The following LAMA1 variants were observed in gnomAD, a reference collection of about 807,000 sequenced individuals.
LAMA1 encodes the protein laminin subunit alpha 1.
A neutral mutation model predicts 348.7 loss-of-function variants in LAMA1; 219 were observed. That is an observed-to-expected ratio of 0.63 (90% CI 0.56 to 0.70). LAMA1 has a LOEUF of 0.70. LAMA1 is among the 30% of genes least tolerant of loss of function. The pLI, the probability that LAMA1 is intolerant of heterozygous loss-of-function variation, is 0.00. For missense variants in LAMA1, 3,744 were observed against 3,888.0 expected, an observed-to-expected ratio of 0.96 and a Z score of 0.99; for synonymous variants, 1,487 against 1,491.0, an observed-to-expected ratio of 1.00 and a Z score of 0.06.
chr18:7,017,516 T>C (rs568155007), intron 19 of LAMA1, 132 bp from the exon 20 acceptor site: 1 of 734,234 alleles, frequency 1.4e-6, no homozygotes, highest in African/African-American at 1.7e-5. Context: ...AATAATATTA[T>C]TGGCAATAAC....
At chr18:7,017,174 T>C in intron 20 of LAMA1, 104 bp downstream of exon 20, 3 of 864,720 alleles carry the variant, frequency 3.5e-6, no homozygotes, top group South Asian at 2.8e-5. Flanking sequence ...TCTATAGCAG[T>C]GTGAGAACAA....
chr18:7,039,504 G>A (rs997790980), intron 10 of LAMA1, among the ~76,000 whole-genome samples: 4 of 152,098 alleles, frequency 2.6e-5, no homozygotes, highest in African/African-American at 9.7e-5. Flanking sequence ...CGTTTAATTG[G>A]TGTTCTCAGA....
At chr18:7,099,298 C>G (rs2058281294) in intron 1 of LAMA1, among the ~76,000 whole-genome samples, 1 of 150,644 alleles carries the variant, frequency 6.6e-6, no homozygotes, top group Non-Finnish European at 1.5e-5. Context: ...TCACCACTCC[C>G]TAATCTCAAG....
chr18:7,103,963 TA>T (rs1286790998), intron 1 of LAMA1, among the ~76,000 whole-genome samples: 2 of 152,074 alleles, frequency 1.3e-5, no homozygotes, highest in Non-Finnish European at 1.5e-5. Flanking sequence ...GGTCTCTAAA[TA>T]ATACCCATTA....
chr18:7,045,171 G>C (rs1005805739), intron 6 of LAMA1, among the ~76,000 whole-genome samples: 1 of 151,994 alleles, frequency 6.6e-6, no homozygotes, highest in East Asian at 1.9e-4. Context: ...TTTCAGCATC[G>C]ATAACAGAAT....
At chr18:6,959,624 G>T in intron 53 of LAMA1, 132 bp from the exon 54 acceptor site, 1 of 904,342 alleles carries the variant, frequency 1.1e-6, no homozygotes, top group Non-Finnish European at 1.8e-6. Context: ...AATCTCTTCA[G>T]CTGTCACAAT....
chr18:7,067,092 AT>A (rs1419981158), intron 3 of LAMA1, among the ~76,000 whole-genome samples: 1 of 152,178 alleles, frequency 6.6e-6, no homozygotes, highest in African/African-American at 2.4e-5. Flanking sequence ...GGAAGAAGAA[AT>A]TGGTAGCACC....
chr18:6,975,853 T>C lies in LAMA1; in HGVS notation c.6489+84A>G, dbSNP rs2057679163. 5 of 1,551,644 alleles carry C rather than the reference T, an allele frequency of 3.2e-6. No homozygotes were observed. The Admixed American group carries it at 5.0e-5, about 16-fold the overall frequency. On this transcript the variant is annotated intron_variant, in intron 45 of 62. Transcript: ENST00000389658. ...TAGAGATTTCACTAAGGCCTATTTT[T>C]TTTTCGTCAAATAAGTGAAAATTCA...
intron 16 of LAMA1, 119 bp downstream of exon 16, chr18:7,031,947 G>A: frequency 1.5e-6 from 1 of 680,556 alleles, no homozygotes; most frequent in Non-Finnish European, 2.5e-6. Context: ...AATTTTCTTT[G>A]GGGTCTATGA....
intron 1 of LAMA1, among the ~76,000 whole-genome samples, chr18:7,081,262 C>A (rs528142197): frequency 6.6e-6 from 1 of 152,130 alleles, no homozygotes; most frequent in Non-Finnish European, 1.5e-5. Flanking sequence ...GTGAAACAGG[C>A]CTTAAGGGAA....
intron 1 of LAMA1, among the ~76,000 whole-genome samples, chr18:7,114,076 CAAAA>C (rs4012960): frequency 1.7e-5 from 2 of 115,386 alleles, no homozygotes; most frequent in African/African-American, 3.2e-5. Context: ...GACTCCGTCT[CAAAA>C]AAAAAAAAAA....
Position 6,974,929 on chromosome 18 carries a change from G to GT in LAMA1, c.6596dup (p.Asn2199LysfsTer34). The GT allele has an allele frequency of 6.2e-7, 1 of 1,614,084 alleles. No individual in the cohort carries two copies. The highest frequency in any genetic ancestry group is 8.5e-7 in the Non-Finnish European group (1 of 1,180,024). ...TGGCTACATGGATACTGTGCCATCT[G>GT]TTGTCATCAATGGGAAAGTCTGGAA... On this transcript the variant is annotated frameshift_variant, in exon 46 of 63. Transcript: ENST00000389658. LOFTEE classifies it high-confidence loss of function.
chr18:7,006,910 T>G (rs1347464217), intron 29 of LAMA1, among the ~76,000 whole-genome samples: 2 of 152,200 alleles, frequency 1.3e-5, no homozygotes, highest in Non-Finnish European at 2.9e-5. Flanking sequence ...CCCAAATTGA[T>G]GCCCACAGAT....
chr18:7,117,566 C>T (rs2058362787), intron 1 of LAMA1, 94 bp downstream of exon 1: 1 of 1,355,204 alleles, frequency 7.4e-7, no homozygotes, highest in African/African-American at 1.5e-5. Context: ...CGCGCCCGGA[C>T]TCCAGCAGCC....
At chr18:6,978,128 T>TG (rs1375201671) in intron 43 of LAMA1, 68 bp downstream of exon 43, 5 of 1,588,344 alleles carry the variant, frequency 3.1e-6, no homozygotes, top group Non-Finnish European at 4.3e-6. Flanking sequence ...CGCACCACTG[T>TG]GTGCTTAGCT....
intron 16 of LAMA1, among the ~76,000 whole-genome samples, chr18:7,027,804 G>T (rs770438147): frequency 6.6e-6 from 1 of 152,076 alleles, no homozygotes; most frequent in Non-Finnish European, 1.5e-5. Context: ...TTAGCCGGGC[G>T]TGGTGGTGTG....
intron 42 of LAMA1, among the ~76,000 whole-genome samples, chr18:6,978,812 T>C (rs1379721527): frequency 6.6e-6 from 1 of 152,166 alleles, no homozygotes; most frequent in Non-Finnish European, 1.5e-5. Context: ...TCCTTTCATG[T>C]CTGGATAATA....
chr18:6,964,047 T>C (rs1447587204), intron 51 of LAMA1: 2 of 153,184 alleles, frequency 1.3e-5, no homozygotes, highest in Admixed American at 6.5e-5. Flanking sequence ...TTAAAAGAGA[T>C]CTACTTCTCT....
intron 3 of LAMA1, among the ~76,000 whole-genome samples, chr18:7,066,166 T>C (rs1034298949): frequency 1.3e-5 from 2 of 152,214 alleles, no homozygotes; most frequent in Non-Finnish European, 2.9e-5. Flanking sequence ...CTACATTGAA[T>C]GTTTTCCATG....
Sources: gnomAD v4.1 joint callset for allele counts (sites outside exome capture counted in the v4.1 genomes callset) on GRCh38, gnomAD v4.1.1 for gene constraint, MANE v1.5 for transcripts, NCBI Gene and HGNC (gene_info 2026-07-23, HGNC 2026-07-21) for gene names.